The following LHX8 variants were observed in gnomAD, a reference collection of about 807,000 sequenced individuals.
LHX8 encodes LIM homeobox 8.
A neutral mutation model predicts 40.3 loss-of-function variants in LHX8; 12 were observed. The ratio of observed to expected loss-of-function variants is 0.30; its 90% CI spans 0.19 to 0.48. LHX8 has a LOEUF of 0.48. LHX8 is among the 20% of genes least tolerant of loss of function. The probability of loss-of-function intolerance (pLI) is 0.99; values close to 1 mark genes in which losing one functional copy is unlikely to be tolerated. For missense variants in LHX8, 344 were observed against 433.7 expected (o/e 0.79, Z 1.84); for synonymous variants, 179 against 162.0 (o/e 1.10, Z -0.80).
intron 7 of LHX8, among the ~76,000 whole-genome samples, chr1:75,149,544 G>T (rs1412208795): frequency 6.6e-6 from 1 of 152,058 alleles, no homozygotes; most frequent in Non-Finnish European, 1.5e-5. Flanking sequence ...ACACTTTACT[G>T]GGGTAGAATT....
chr1:75,187,853 G>A, the LHX8 span, among the ~76,000 whole-genome samples: 1 of 152,132 alleles, frequency 6.6e-6, no homozygotes, highest in Admixed American at 6.5e-5. Context: ...AGGAGAAACA[G>A]TTGGACTAGA....
the LHX8 span, among the ~76,000 whole-genome samples, chr1:75,194,554 A>G: frequency 6.6e-6 from 1 of 152,166 alleles, no homozygotes; most frequent in African/African-American, 2.4e-5. Context: ...ATTTATAGCC[A>G]CCACCTGTGC....
the LHX8 span, chr1:75,183,025 T>C: frequency 3.3e-5 from 5 of 152,176 alleles, no homozygotes; most frequent in African/African-American, 1.2e-4. Flanking sequence ...GCCTTGCTGT[T>C]ATTACAAAAC....
At chr1:75,168,644 T>C in the LHX8 span, among the ~76,000 whole-genome samples, 1 of 152,142 alleles carries the variant, frequency 6.6e-6, no homozygotes, top group Admixed American at 6.6e-5. Flanking sequence ...CTGGGAGCTT[T>C]TCCTGTTCTG....
At chr1:75,182,211 A>G in the LHX8 span, among the ~76,000 whole-genome samples, 2 of 152,068 alleles carry the variant, frequency 1.3e-5, no homozygotes, top group Admixed American at 6.6e-5. Context: ...TCATTCTTCT[A>G]TATGTGGCTT....
the LHX8 span, among the ~76,000 whole-genome samples, chr1:75,180,438 T>C: frequency 2.0e-5 from 3 of 152,224 alleles, no homozygotes; most frequent in African/African-American, 7.2e-5. Context: ...ATTTCATTAA[T>C]TTGATCTTCA....
At chr1:75,169,563 C>A in the LHX8 span, among the ~76,000 whole-genome samples, 1 of 152,106 alleles carries the variant, frequency 6.6e-6, no homozygotes, top group Non-Finnish European at 1.5e-5. Flanking sequence ...AACAGGATAA[C>A]CCTTTCCCTC....
At position 75,137,202 on chromosome 1, in the gene LHX8, C is replaced by G. The variant is rs549689179; in HGVS notation, c.178C>G (p.Pro60Ala). 580 of 1,613,602 alleles carry G rather than the reference C, an allele frequency of 3.6e-4. 8 individuals are homozygous for G. In the South Asian group the frequency reaches 5.9e-3, roughly 16 times the overall value. ...CATGGCCTCGGGCTCCGGCTGCCCT[C>G]CTGGCAAGTGTGTGTGCAACAGTTG... ...RSMASGSGCP[P>A]GKCVCNSCGL... The change falls in exon 3 of 9, where the codon CCT (proline) becomes GCT (alanine). Residue 60 changes from proline (P) to alanine (A), a missense_variant. Physicochemically the swap from Pro to Ala is conservative, Grantham distance 27 (BLOSUM62 -1). This residue lies in a region of LHX8 where 108 missense variants were observed against 90.1 expected (regional missense o/e 1.20). Transcript: ENST00000356261.
intron 3 of LHX8, among the ~76,000 whole-genome samples, chr1:75,139,677 A>G (rs1177180281): frequency 6.6e-6 from 1 of 152,182 alleles, no homozygotes; most frequent in Non-Finnish European, 1.5e-5. Context: ...AATATTGTCT[A>G]TAGTGAGCAT....
the LHX8 span, among the ~76,000 whole-genome samples, chr1:75,171,272 T>A: frequency 6.6e-6 from 1 of 152,144 alleles, no homozygotes; most frequent in Non-Finnish European, 1.5e-5. Flanking sequence ...GAGTTAATCA[T>A]TTGAGTGAGT....
the LHX8 span, among the ~76,000 whole-genome samples, chr1:75,179,355 C>T: frequency 6.6e-6 from 1 of 152,098 alleles, no homozygotes; most frequent in Non-Finnish European, 1.5e-5. Flanking sequence ...TCTGGGTGCT[C>T]TTGTATTGGG....
chr1:75,137,549 G>A (rs1648188066), intron 3 of LHX8, among the ~76,000 whole-genome samples: 1 of 152,172 alleles, frequency 6.6e-6, no homozygotes, highest in African/African-American at 2.4e-5. Flanking sequence ...GCTTGTAGTG[G>A]AAGGGAAGTG....
the LHX8 span, among the ~76,000 whole-genome samples, chr1:75,180,831 T>A: frequency 6.6e-6 from 1 of 152,226 alleles, no homozygotes; most frequent in Non-Finnish European, 1.5e-5. Flanking sequence ...TGTGGTTTTA[T>A]CTACCTTTGG....
the LHX8 span, among the ~76,000 whole-genome samples, chr1:75,179,945 G>C: frequency 4.5e-4 from 68 of 152,162 alleles, no homozygotes; most frequent in Non-Finnish European, 8.1e-4. Flanking sequence ...TCCTTCATTT[G>C]TGAAGCTTAG....
At chr1:75,143,567 G>A (rs1305762168) in intron 5 of LHX8, among the ~76,000 whole-genome samples, 1 of 151,994 alleles carries the variant, frequency 6.6e-6, no homozygotes, top group African/African-American at 2.4e-5. Flanking sequence ...TTTGAGTTAG[G>A]GTTTTGCTTT....
chr1:75,188,674 T>C, the LHX8 span, among the ~76,000 whole-genome samples: 16 of 152,322 alleles, frequency 1.1e-4, no homozygotes, highest in South Asian at 1.5e-3. Flanking sequence ...GAGAATTCCT[T>C]AATGTTCTCC....
At position 75,160,940 on chromosome 1, in the gene LHX8, T is replaced by C; in HGVS notation, c.*45T>C. 7.4e-7 allele frequency: 1 copy of C among 1,347,132 alleles called. No individual in the cohort carries two copies. Among genetic ancestry groups the C allele is most frequent in the South Asian group, 1.2e-5 (1 of 85,520 alleles). 83.4% of individuals were successfully genotyped at this position (1,347,132 alleles called of 1,614,324 possible). A position where few individuals can be genotyped will look rare whatever the true frequency, so the allele number is the denominator to read the frequency against. ...CTTGATTAAGGATATAAATTTGTCATTTATTATGTATAAAATACCATTGAA... is the reference window on the plus strand; with the variant it reads ...CTTGATTAAGGATATAAATTTGTCACTTATTATGTATAAAATACCATTGAA... On this transcript the variant is annotated 3_prime_UTR_variant, in exon 9 of 9. Transcript: ENST00000356261.
At chr1:75,157,107 C>T in intron 8 of LHX8, 31 bp downstream of exon 8, 1 of 1,604,670 alleles carries the variant, frequency 6.2e-7, no homozygotes, top group African/African-American at 1.3e-5. Flanking sequence ...CAGCTGTCTC[C>T]CAGGCAATCA....
rs1486828042 is a variant in LHX8, at chr1:75,160,955, A to G, written c.*60A>G. On this transcript the variant is annotated 3_prime_UTR_variant, in exon 9 of 9. Coordinates refer to ENST00000356261, the MANE Select transcript of LHX8 (RefSeq NM_001256114.2). ...AAATTTGTCATTTATTATGTATAAA[A>G]TACCATTGAAAAGATATTACTGTTA... 1 of 1,228,254 alleles carries G rather than the reference A, an allele frequency of 8.1e-7. No individual in the cohort carries two copies. Among genetic ancestry groups the G allele is most frequent in the Non-Finnish European group, 1.2e-6 (1 of 830,392 alleles). The allele number at this position is 1,228,254 out of a possible 1,614,324, so 76.1% of individuals were successfully genotyped here.
Sources: allele counts gnomAD v4.1 joint callset (sites outside exome capture counted in the v4.1 genomes callset), GRCh38; gene constraint gnomAD v4.1.1; regional missense constraint gnomAD v4.1.1; transcripts MANE v1.5; gene names NCBI Gene and HGNC (gene_info 2026-07-23, HGNC 2026-07-21).